SMAD1: variants seen among roughly 807,000 people sequenced by gnomAD.
SMAD1 encodes SMAD family member 1.
A neutral mutation model predicts 41.6 loss-of-function variants in SMAD1; 6 were observed. That is an observed-to-expected ratio of 0.14 (90% confidence interval 0.08 to 0.28). SMAD1 has a LOEUF of 0.28. Ranked by LOEUF, SMAD1 falls within the 10% of genes least tolerant of loss-of-function variation. The pLI, the probability that SMAD1 is intolerant of heterozygous loss-of-function variation, is 1.00. For synonymous variants in SMAD1, 206 were observed against 203.2 expected, an observed-to-expected ratio of 1.01 and a Z score of -0.12; for missense variants, 379 against 582.6, an observed-to-expected ratio of 0.65 and a Z score of 3.60.
intron 2 of SMAD1, among the ~76,000 whole-genome samples, chr4:145,531,922 G>A (rs1731340019): frequency 6.6e-6 from 1 of 151,968 alleles, no homozygotes; most frequent in Non-Finnish European, 1.5e-5. Flanking sequence ...CGAACATTTG[G>A]TGGGTCACAG....
At chr4:145,555,999 C>T (rs1732815465) in intron 6 of SMAD1, among the ~76,000 whole-genome samples, 1 of 152,138 alleles carries the variant, frequency 6.6e-6, no homozygotes, top group Non-Finnish European at 1.5e-5. Context: ...AAAAAATTTG[C>T]ACACTGTTTT....
chr4:145,512,624 C>T (rs1479532109), intron 1 of SMAD1, among the ~76,000 whole-genome samples: 1 of 152,170 alleles, frequency 6.6e-6, no homozygotes, highest in African/African-American at 2.4e-5. Flanking sequence ...TCAACCTTGT[C>T]TTCTCTTTCC....
chr4:145,523,363 T>C (rs566317452), intron 2 of SMAD1, among the ~76,000 whole-genome samples: 11 of 152,320 alleles, frequency 7.2e-5, no homozygotes, highest in African/African-American at 2.4e-4. Context: ...CACATGGTGT[T>C]GCAATCTGTG....
chr4:145,527,472 C>T (rs1015304163), intron 2 of SMAD1, among the ~76,000 whole-genome samples: 2 of 152,132 alleles, frequency 1.3e-5, no homozygotes, highest in African/African-American at 4.8e-5. Flanking sequence ...ATCCGCCCGC[C>T]TCGGCCTCCC....
intron 2 of SMAD1, among the ~76,000 whole-genome samples, chr4:145,523,794 G>T (rs1022152706): frequency 5.9e-5 from 9 of 152,156 alleles, no homozygotes; most frequent in African/African-American, 2.2e-4. Flanking sequence ...GGCAGGAGGG[G>T]TGCCTTAGGG....
intron 1 of SMAD1, among the ~76,000 whole-genome samples, chr4:145,484,951 C>G (rs894134975): frequency 6.6e-6 from 1 of 152,194 alleles, no homozygotes; most frequent in Non-Finnish European, 1.5e-5. Context: ...AACATATAAA[C>G]AGTTCAGGAA....
chr4:145,518,585 G>A lies in SMAD1; in HGVS notation c.400+3572G>A, dbSNP rs189873593. Among the ~76,000 whole-genome samples, 3 of 125,958 alleles carry A rather than the reference G, an allele frequency of 2.4e-5. 1 individual carries two copies. Among genetic ancestry groups the A allele is most frequent in the Non-Finnish European group, 3.9e-5 (2 of 51,138 alleles). The allele number at this position is 125,958 out of a possible 152,430, so 82.6% of individuals were successfully genotyped here. A position where few individuals can be genotyped will look rare whatever the true frequency, so the allele number is the denominator to read the frequency against. ...GCCGTACAGAGTACACCTGGGTATT[G>A]TTTTTGTGAAATCAGAAAAAGGGGG... On this transcript the variant is annotated intron_variant, in intron 2 of 6. Coordinates refer to ENST00000302085, the MANE Select transcript of SMAD1 (RefSeq NM_005900.3).
At chr4:145,490,285 G>T (rs376105651) in intron 1 of SMAD1, among the ~76,000 whole-genome samples, 2 of 152,162 alleles carry the variant, frequency 1.3e-5, no homozygotes, top group African/African-American at 4.8e-5. Context: ...ACAGAATGGG[G>T]TCCGAGTGAG....
chr4:145,488,880 G>T (rs748223952), intron 1 of SMAD1, among the ~76,000 whole-genome samples: 1 of 152,214 alleles, frequency 6.6e-6, no homozygotes, highest in Non-Finnish European at 1.5e-5. Flanking sequence ...TTACAAGGTA[G>T]TATAGGAGTA....
chr4:145,539,292 A>AT (rs1388622413), intron 2 of SMAD1, among the ~76,000 whole-genome samples: 1 of 152,148 alleles, frequency 6.6e-6, no homozygotes, highest in Non-Finnish European at 1.5e-5. Context: ...CAGTTCACTG[A>AT]TTTTACCTCT....
At chr4:145,542,785 A>G (rs985564212) in intron 4 of SMAD1, 87 bp downstream of exon 4, 3 of 842,086 alleles carry the variant, frequency 3.6e-6, no homozygotes, top group Non-Finnish European at 5.7e-6. Context: ...ATTAGTCTTT[A>G]AAAAGAGAGC....
At chr4:145,483,843 T>G (rs1728328351) in intron 1 of SMAD1, among the ~76,000 whole-genome samples, 1 of 152,200 alleles carries the variant, frequency 6.6e-6, no homozygotes, top group Admixed American at 6.5e-5. Context: ...ACCATAGGTA[T>G]GTAACCAAAT....
At chr4:145,520,308 T>C (rs1290043012) in intron 2 of SMAD1, among the ~76,000 whole-genome samples, 1 of 152,242 alleles carries the variant, frequency 6.6e-6, no homozygotes, top group Non-Finnish European at 1.5e-5. Flanking sequence ...AGGTATGAAG[T>C]TAACCTGAGT....
chr4:145,510,592 A>G (rs1357707359), intron 1 of SMAD1, among the ~76,000 whole-genome samples: 1 of 152,160 alleles, frequency 6.6e-6, no homozygotes, highest in Non-Finnish European at 1.5e-5. Context: ...GTTCTATATG[A>G]TTTTAGTATT....
At chr4:145,506,140 C>T (rs1284514298) in intron 1 of SMAD1, among the ~76,000 whole-genome samples, 4 of 150,806 alleles carry the variant, frequency 2.7e-5, no homozygotes, top group South Asian at 4.2e-4. Flanking sequence ...CAAGCCTGGC[C>T]GATCAAACAG....
intron 1 of SMAD1, among the ~76,000 whole-genome samples, chr4:145,502,657 G>A (rs1374594979): frequency 6.6e-6 from 1 of 152,288 alleles, no homozygotes; most frequent in East Asian, 1.9e-4. Context: ...AGCACACTTG[G>A]CACACCTAAA....
intron 2 of SMAD1, among the ~76,000 whole-genome samples, chr4:145,520,117 T>G (rs138511460): frequency 1.6e-3 from 246 of 152,290 alleles, no homozygotes; most frequent in African/African-American, 5.5e-3. Flanking sequence ...TTGGCAAGGA[T>G]GTAGAGATAG....
At chr4:145,516,768 T>C (rs1730418974) in intron 2 of SMAD1, among the ~76,000 whole-genome samples, 1 of 152,208 alleles carries the variant, frequency 6.6e-6, no homozygotes, top group African/African-American at 2.4e-5. Context: ...AGATAAGTAA[T>C]ATGTACCAGC....
At chr4:145,496,164 A>G (rs557774666) in intron 1 of SMAD1, among the ~76,000 whole-genome samples, 297 of 152,170 alleles carry the variant, frequency 2.0e-3, no homozygotes, top group African/African-American at 6.7e-3. Context: ...CAAGAAGGAA[A>G]GCAATAGCAA....
Sources: allele counts gnomAD v4.1 joint callset (sites outside exome capture counted in the v4.1 genomes callset), GRCh38; gene constraint gnomAD v4.1.1; transcripts MANE v1.5; gene names NCBI Gene and HGNC (gene_info 2026-07-23, HGNC 2026-07-21).